RBM47: variants seen among roughly 807,000 people sequenced by gnomAD.
RBM47 encodes RNA binding motif protein 47, also known as RNA-binding protein 47.
RBM47 carries 21 observed loss-of-function variants against 47.1 expected under a neutral mutation model. The ratio of observed to expected loss-of-function variants is 0.45; its 90% CI spans 0.32 to 0.64. The LOEUF is 0.64. Among genes scored for constraint, RBM47 ranks in the 30% least tolerant of loss-of-function variants. The pLI, the probability that RBM47 is intolerant of heterozygous loss-of-function variation, is 0.05. For missense variants in RBM47, 708 were observed against 870.9 expected (o/e 0.81, Z 2.35); for synonymous variants, 375 against 361.7 (o/e 1.04, Z -0.42).
At chr4:40,532,616 A>T (rs576560752) in intron 2 of RBM47, among the ~76,000 whole-genome samples, 17 of 151,268 alleles carry the variant, frequency 1.1e-4, no homozygotes, top group African/African-American at 2.2e-4. Context: ...TGGCCTTTTT[A>T]AAAAAAATAT....
chr4:40,437,106 TATATAAAATAC>T lies in RBM47; in HGVS notation c.1124-470_1124-460del, dbSNP rs1368097717. Reference sequence around the variant, plus strand: ...AAAAAAAAAAATATATATATATATATATATAAAATACATATATATATATATAAAATACATAT... The same window carrying T: ...AAAAAAAAAAATATATATATATATATATATATATATATATAAAATACATAT... On this transcript the variant is annotated intron_variant, in intron 4 of 6. Transcript: ENST00000295971. 9.2e-4 allele frequency among the ~76,000 whole-genome samples: 70 copies of T among 76,058 alleles called. 1 individual carries two copies. Among genetic ancestry groups the T allele is most frequent in the Admixed American group, 2.2e-3 (14 of 6,224 alleles). The allele number at this position is 76,058 out of a possible 152,430, so 49.9% of individuals were successfully genotyped here.
At chr4:40,448,573 C>G (rs1714915371) in intron 3 of RBM47, among the ~76,000 whole-genome samples, 1 of 152,158 alleles carries the variant, frequency 6.6e-6, no homozygotes, top group South Asian at 2.1e-4. Flanking sequence ...CTAACACACA[C>G]AATGCACATA....
chr4:40,560,933 T>C (rs966846864), intron 1 of RBM47, among the ~76,000 whole-genome samples: 5 of 151,314 alleles, frequency 3.3e-5, no homozygotes, highest in Admixed American at 6.6e-5. Context: ...CCACTGCACT[T>C]CAGCCTGGGC....
intron 1 of RBM47, among the ~76,000 whole-genome samples, chr4:40,580,906 C>T (rs551411498): frequency 3.2e-4 from 48 of 152,354 alleles, no homozygotes; most frequent in African/African-American, 1.1e-3. Flanking sequence ...GGGAGCCTAG[C>T]AAGGATCTAG....
At chr4:40,526,923 C>T (rs1448391911) in intron 2 of RBM47, among the ~76,000 whole-genome samples, 2 of 150,052 alleles carry the variant, frequency 1.3e-5, no homozygotes, top group Non-Finnish European at 1.5e-5. Flanking sequence ...AAAGGGCTGG[C>T]AGCATTGACT....
intron 3 of RBM47, among the ~76,000 whole-genome samples, chr4:40,464,530 G>T (rs10000300): frequency 0.5 from 76,485 of 151,796 alleles, 21,231 homozygotes; most frequent in African/African-American, 0.76. Context: ...CCTCTATTTT[G>T]GGAATACAGT....
intron 1 of RBM47, among the ~76,000 whole-genome samples, chr4:40,586,004 C>T (rs763821006): frequency 2.6e-5 from 4 of 152,210 alleles, no homozygotes; most frequent in Non-Finnish European, 4.4e-5. Context: ...CTATAAAGTA[C>T]ATTTGATGGT....
At chr4:40,564,398 C>T (rs1199124003) in intron 1 of RBM47, among the ~76,000 whole-genome samples, 2 of 152,216 alleles carry the variant, frequency 1.3e-5, no homozygotes, top group African/African-American at 4.8e-5. Context: ...CGAACCTGCA[C>T]ACACACATAC....
At chr4:40,428,179 G>C (rs935851896) in intron 6 of RBM47, among the ~76,000 whole-genome samples, 2 of 150,520 alleles carry the variant, frequency 1.3e-5, no homozygotes, top group African/African-American at 4.9e-5. Context: ...GGCAATGGAA[G>C]TGAGACCTTG....
At chr4:40,573,755 A>AAGAGAG (rs1315115525) in intron 1 of RBM47, among the ~76,000 whole-genome samples, 11 of 145,676 alleles carry the variant, frequency 7.6e-5, no homozygotes, top group African/African-American at 3.0e-4. Context: ...GCAAGAAAGA[A>AAGAGAG]AGAGAGAGAG....
chr4:40,550,310 G>A (rs1295327666), intron 1 of RBM47, among the ~76,000 whole-genome samples: 3 of 152,182 alleles, frequency 2.0e-5, no homozygotes, highest in African/African-American at 4.8e-5. Context: ...CTGCAGAGGG[G>A]CATGAGAAAA....
chr4:40,477,633 C>T (rs949845193), intron 2 of RBM47, among the ~76,000 whole-genome samples: 1 of 151,914 alleles, frequency 6.6e-6, no homozygotes, highest in South Asian at 2.1e-4. Flanking sequence ...TGCTCCTATA[C>T]CAAATGCTAC....
rs1432380500 is a variant in RBM47 at position 40,438,791 on chromosome 4, G to A, written c.103C>T (p.Leu35=). The stretch of plus-strand genomic sequence containing the variant: ...CCCGTGCGCTCCATCAGCGCCAGCA[G>A]TGCTGCCTCGTTGGGCGCGCCCGCC... ...GVAGAPNEAA[L]LALMERTGYS... Residue 35 remains leucine (L), a synonymous_variant, in exon 4 of 7, where the codon CTG becomes TTG. Coordinates refer to ENST00000295971, the MANE Select transcript of RBM47 (RefSeq NM_001098634.2). 1 of 1,552,690 alleles carries A rather than the reference G, an allele frequency of 6.4e-7. No homozygotes were observed. The highest frequency in any genetic ancestry group is 1.4e-5 in the African/African-American group (1 of 73,866).
At chr4:40,479,360 T>G (rs924057590) in intron 2 of RBM47, among the ~76,000 whole-genome samples, 1 of 152,142 alleles carries the variant, frequency 6.6e-6, no homozygotes, top group Non-Finnish European at 1.5e-5. Flanking sequence ...CCCAGCACTT[T>G]GGGAGGCCAG....
intron 1 of RBM47, among the ~76,000 whole-genome samples, chr4:40,604,504 G>T (rs529320745): frequency 1.7e-4 from 26 of 152,184 alleles, no homozygotes; most frequent in Non-Finnish European, 2.9e-4. Flanking sequence ...GTACCTGCCT[G>T]TAGTCTCAGC....
At chr4:40,446,049 CT>C (rs1714484354) in intron 3 of RBM47, among the ~76,000 whole-genome samples, 1 of 152,192 alleles carries the variant, frequency 6.6e-6, no homozygotes, top group Non-Finnish European at 1.5e-5. Context: ...AAGTCCAAAT[CT>C]TAGTTCCTCT....
chr4:40,532,097 A>G (rs1040608957), intron 2 of RBM47, among the ~76,000 whole-genome samples: 11 of 144,854 alleles, frequency 7.6e-5, no homozygotes, highest in Non-Finnish European at 1.2e-4. Context: ...TGCAACCTCT[A>G]CCTCCTGGGT....
At chr4:40,600,999 A>AAAAAAAAAAAG (rs1338188731) in intron 1 of RBM47, among the ~76,000 whole-genome samples, 39 of 147,352 alleles carry the variant, frequency 2.6e-4, no homozygotes, top group African/African-American at 9.7e-4. Flanking sequence ...AAAAAAAAAA[A>AAAAAAAAAAAG]AAAGAAAGAA....
At chr4:40,473,635 A>G (rs555058368) in intron 2 of RBM47, among the ~76,000 whole-genome samples, 2 of 152,354 alleles carry the variant, frequency 1.3e-5, no homozygotes, top group African/African-American at 4.8e-5. Context: ...AGAATATCAG[A>G]TAGGCATAAA....
Sources: allele counts gnomAD v4.1 joint callset (sites outside exome capture counted in the v4.1 genomes callset), GRCh38; gene constraint gnomAD v4.1.1; transcripts MANE v1.5; gene names NCBI Gene and HGNC (gene_info 2026-07-23, HGNC 2026-07-21).